The following PREP variants were observed in gnomAD, a reference collection of about 807,000 sequenced individuals.
PREP encodes dJ355L5.1 (prolyl endopeptidase).
A neutral mutation model predicts 87.6 loss-of-function variants in PREP; 29 were observed. The observed-to-expected ratio is 0.33, with a 90% CI of 0.25 to 0.45. The LOEUF is 0.45. Among genes scored for constraint, PREP ranks in the 20% least tolerant of loss-of-function variants. The probability of loss-of-function intolerance (pLI) is 1.00; values close to 1 mark genes in which losing one functional copy is unlikely to be tolerated. For missense variants in PREP, 695 were observed against 886.5 expected (o/e 0.78, Z 2.74); for synonymous variants, 337 against 328.6 (o/e 1.03, Z -0.28).
chr6:105,309,419 G>C (rs1770714145), intron 10 of PREP, among the ~76,000 whole-genome samples: 1 of 152,040 alleles, frequency 6.6e-6, no homozygotes, highest in African/African-American at 2.4e-5. Flanking sequence ...ATGCGATCTC[G>C]ACTCACCGCA....
At chr6:105,328,784 C>T (rs1771240060) in intron 9 of PREP, 45 bp downstream of exon 9, 4 of 1,588,478 alleles carry the variant, frequency 2.5e-6, no homozygotes, top group Non-Finnish European at 2.6e-6. Context: ...ACCCAAACAC[C>T]AGTCGGATTT....
At chr6:105,353,590 G>A (rs1772013992) in intron 6 of PREP, among the ~76,000 whole-genome samples, 1 of 151,886 alleles carries the variant, frequency 6.6e-6, no homozygotes, top group Non-Finnish European at 1.5e-5. Flanking sequence ...TGGCCAACAT[G>A]GTGAAACCCT....
At chr6:105,338,289 A>T (rs1470073819) in intron 7 of PREP, among the ~76,000 whole-genome samples, 3 of 152,238 alleles carry the variant, frequency 2.0e-5, no homozygotes, top group Non-Finnish European at 4.4e-5. Context: ...ATTTGTTATG[A>T]CCCCTCCCTA....
chr6:105,282,368 G>T, intron 13 of PREP, 83 bp downstream of exon 13: 1 of 1,500,068 alleles, frequency 6.7e-7, no homozygotes, highest in Non-Finnish European at 9.0e-7. Flanking sequence ...ACAAAGTTAA[G>T]TCAAGAGCTG....
At chr6:105,372,483 T>C (rs2114707879) in intron 5 of PREP, among the ~76,000 whole-genome samples, 1 of 152,300 alleles carries the variant, frequency 6.6e-6, no homozygotes, top group East Asian at 1.9e-4. Context: ...AAATGACACA[T>C]TGTACCAGTA....
At chr6:105,315,337 A>T (rs771036672) in intron 10 of PREP, among the ~76,000 whole-genome samples, 1 of 151,904 alleles carries the variant, frequency 6.6e-6, no homozygotes, top group Non-Finnish European at 1.5e-5. Flanking sequence ...CTAATTTTTA[A>T]ATTTTTTGTA....
chr6:105,332,436 G>A (rs1771359246), intron 8 of PREP, among the ~76,000 whole-genome samples: 1 of 152,132 alleles, frequency 6.6e-6, no homozygotes, highest in African/African-American at 2.4e-5. Flanking sequence ...TTAATTCACG[G>A]AAAAACACAT....
intron 6 of PREP, among the ~76,000 whole-genome samples, chr6:105,354,348 A>G (rs892371148): frequency 1.3e-5 from 2 of 152,214 alleles, no homozygotes; most frequent in Admixed American, 6.5e-5. Context: ...CAACTTTATG[A>G]GATGTTGCCA....
intron 2 of PREP, among the ~76,000 whole-genome samples, chr6:105,384,335 C>T (rs1464745879): frequency 3.9e-5 from 6 of 152,160 alleles, no homozygotes; most frequent in Non-Finnish European, 8.8e-5. Context: ...TTGGTTATGC[C>T]AGGTACCGAA....
intron 1 of PREP, among the ~76,000 whole-genome samples, chr6:105,400,603 T>A (rs972634884): frequency 2.6e-5 from 4 of 152,190 alleles, no homozygotes; most frequent in Admixed American, 2.6e-4. Flanking sequence ...ATTAGTCCCA[T>A]CCTCTTCTGT....
chr6:105,324,870 A>T (rs1771108406), intron 9 of PREP, among the ~76,000 whole-genome samples: 1 of 152,224 alleles, frequency 6.6e-6, no homozygotes, highest in Non-Finnish European at 1.5e-5. Flanking sequence ...ATGTTGTCTC[A>T]ATTCTCATGA....
At chr6:105,363,786 G>C (rs890132640) in intron 6 of PREP, among the ~76,000 whole-genome samples, 1 of 152,186 alleles carries the variant, frequency 6.6e-6, no homozygotes, top group Admixed American at 6.5e-5. Flanking sequence ...GTGGAGGAAG[G>C]AAAGGCAGAG....
At chr6:105,368,182 C>T (rs1042206557) in intron 6 of PREP, among the ~76,000 whole-genome samples, 1 of 152,118 alleles carries the variant, frequency 6.6e-6, no homozygotes, top group Non-Finnish European at 1.5e-5. Context: ...ATTTCTCATT[C>T]CCACTAAAAA....
intron 6 of PREP, among the ~76,000 whole-genome samples, chr6:105,362,440 G>A (rs575395521): frequency 4.6e-5 from 7 of 152,200 alleles, no homozygotes; most frequent in Non-Finnish European, 7.3e-5. Context: ...CAGCCTGGGC[G>A]ACAGAGCGAG....
chr6:105,365,677 C>T (rs923928285), intron 6 of PREP, among the ~76,000 whole-genome samples: 1 of 152,174 alleles, frequency 6.6e-6, no homozygotes, highest in Admixed American at 6.5e-5. Flanking sequence ...CCTGCCTGAC[C>T]AGCCATGGTA....
chr6:105,387,769 C>T (rs1773041347), intron 2 of PREP, among the ~76,000 whole-genome samples: 1 of 152,196 alleles, frequency 6.6e-6, no homozygotes, highest in Admixed American at 6.5e-5. Flanking sequence ...GCAGGCTAGA[C>T]AAGCTTGTGC....
chr6:105,351,262 G>A (rs1314512927), intron 7 of PREP, among the ~76,000 whole-genome samples: 4 of 152,228 alleles, frequency 2.6e-5, no homozygotes, highest in Non-Finnish European at 5.9e-5. Context: ...AAGGCCTTAA[G>A]AGCAGAGCTG....
chr6:105,351,043 C>G (rs1361689669), intron 7 of PREP, among the ~76,000 whole-genome samples: 1 of 152,180 alleles, frequency 6.6e-6, no homozygotes, highest in Non-Finnish European at 1.5e-5. Context: ...CAGGTTAGTA[C>G]CACTGGACTT....
intron 13 of PREP, 130 bp from the exon 14 acceptor site, chr6:105,282,032 C>G (rs1371792459): frequency 1.8e-6 from 2 of 1,139,102 alleles, no homozygotes; most frequent in Non-Finnish European, 2.4e-6. Flanking sequence ...AAGAGGAAAC[C>G]ATCAGAAATC....
Sources: gnomAD v4.1 joint callset for allele counts (sites outside exome capture counted in the v4.1 genomes callset) on GRCh38, gnomAD v4.1.1 for gene constraint, MANE v1.5 for transcripts, NCBI Gene and HGNC (gene_info 2026-07-23, HGNC 2026-07-21) for gene names.